Variants in CORO2B observed in about 807,000 individuals in gnomAD.
CORO2B encodes coronin-2B.
In CORO2B, 26 loss-of-function variants were observed where a neutral mutation model predicts 58.8. The observed-to-expected ratio is 0.44, with a 90% CI of 0.32 to 0.61. The LOEUF (loss-of-function observed/expected upper bound fraction) is 0.61. Ranked by LOEUF, CORO2B falls within the 20% of genes least tolerant of loss-of-function variation. The probability of loss-of-function intolerance (pLI) is 0.04; values close to 1 mark genes in which losing one functional copy is unlikely to be tolerated. For missense variants in CORO2B, 460 were observed against 645.1 expected (o/e 0.71, Z 3.11); for synonymous variants, 242 against 253.8 (o/e 0.95, Z 0.44).
Position 68,608,831 on chromosome 15 carries a change from G to C in CORO2B, c.15+29554G>C, listed in dbSNP as rs112933611. On this transcript the variant is annotated intron_variant, in intron 1 of 11. Coordinates refer to ENST00000261861, the MANE Select transcript of CORO2B (RefSeq NM_006091.5). ...GCTCCAGGAGGGGAGTTGAAATTCC[G>C]CACTCTCATCCTCAGCATCATCATT... 1.6e-4 allele frequency among the ~76,000 whole-genome samples: 24 copies of C among 152,170 alleles called. No homozygotes were observed. In the East Asian group the frequency reaches 4.6e-3, roughly 29 times the overall value.
chr15:68,665,453 G>A (rs945456266), intron 2 of CORO2B, among the ~76,000 whole-genome samples: 25 of 151,568 alleles, frequency 1.6e-4, no homozygotes, highest in Admixed American at 1.4e-3. Flanking sequence ...AACGTAGTTG[G>A]CTCTTCTAGC....
At chr15:68,575,577 G>GCTCCCCCCCCCCCCCCC (rs370419859), upstream of CORO2B, among the ~76,000 whole-genome samples, 1 of 38,752 alleles carries the variant, frequency 2.6e-5, no homozygotes, top group Non-Finnish European at 5.7e-5. Context: ...CTTGTGATCT[G>GCTCCCCCCCCCCCCCCC]CCCCCGCCTC....
At chr15:68,524,913 C>T in the CORO2B span, among the ~76,000 whole-genome samples, 1 of 152,214 alleles carries the variant, frequency 6.6e-6, no homozygotes, top group Non-Finnish European at 1.5e-5. Flanking sequence ...TAGCCCTTAA[C>T]TGTTGCATCA....
upstream of CORO2B, among the ~76,000 whole-genome samples, chr15:68,574,170 G>T (rs1486031939): frequency 6.6e-6 from 1 of 152,198 alleles, no homozygotes; most frequent in African/African-American, 2.4e-5. Flanking sequence ...AGTCCGAGTG[G>T]CCCAGCAAGG....
At chr15:68,720,302 TA>T (rs1241153387) in intron 11 of CORO2B, among the ~76,000 whole-genome samples, 1 of 152,194 alleles carries the variant, frequency 6.6e-6, no homozygotes, top group Non-Finnish European at 1.5e-5. Flanking sequence ...CTGTGAGCAT[TA>T]AAGAGATAAT....
At chr15:68,629,947 A>G (rs1900783197) in intron 1 of CORO2B, among the ~76,000 whole-genome samples, 1 of 152,192 alleles carries the variant, frequency 6.6e-6, no homozygotes, top group African/African-American at 2.4e-5. Flanking sequence ...ATCCAAAAGG[A>G]TAGGTAATGC....
At chr15:68,546,357 T>C in the CORO2B span, among the ~76,000 whole-genome samples, 1 of 152,154 alleles carries the variant, frequency 6.6e-6, no homozygotes, top group Non-Finnish European at 1.5e-5. Flanking sequence ...CAATTTGGGA[T>C]GTGTGTGGAA....
At chr15:68,678,070 T>C (rs1374355698) in intron 2 of CORO2B, among the ~76,000 whole-genome samples, 1 of 151,446 alleles carries the variant, frequency 6.6e-6, no homozygotes, top group Non-Finnish European at 1.5e-5. Flanking sequence ...CCCTGCAAGG[T>C]CTGTTGCTTC....
chr15:68,588,731 G>A (rs1199354089), intron 1 of CORO2B, among the ~76,000 whole-genome samples: 1 of 152,162 alleles, frequency 6.6e-6, no homozygotes, highest in African/African-American at 2.4e-5. Context: ...TTTGATTTCA[G>A]AACTAACAGT....
At chr15:68,597,494 G>T (rs960203779) in intron 1 of CORO2B, among the ~76,000 whole-genome samples, 1 of 151,976 alleles carries the variant, frequency 6.6e-6, no homozygotes, top group Non-Finnish European at 1.5e-5. Flanking sequence ...GTCACACAAC[G>T]GAAATGGAAC....
the CORO2B span, among the ~76,000 whole-genome samples, chr15:68,551,264 G>A: frequency 6.6e-6 from 1 of 152,106 alleles, no homozygotes; most frequent in African/African-American, 2.4e-5. Context: ...TTCTGTGTGA[G>A]TGCCTGACCC....
chr15:68,602,280 T>C (rs1422688456), intron 1 of CORO2B, among the ~76,000 whole-genome samples: 61 of 152,024 alleles, frequency 4.0e-4, no homozygotes, highest in Non-Finnish European at 8.8e-5. Flanking sequence ...CACTCTGACA[T>C]GTATTTTTTT....
chr15:68,647,689 C>CAAAAAAAAA (rs3084725), intron 2 of CORO2B, among the ~76,000 whole-genome samples: 4 of 122,810 alleles, frequency 3.3e-5, no homozygotes, highest in African/African-American at 1.3e-4. Flanking sequence ...AACTCCATCT[C>CAAAAAAAAA]AAAAAAAAAA....
At chr15:68,655,295 G>A (rs114734751) in intron 2 of CORO2B, among the ~76,000 whole-genome samples, 2,131 of 152,268 alleles carry the variant, frequency 0.014, 50 homozygotes, top group African/African-American at 0.049. Flanking sequence ...AGTCTAGCTG[G>A]CTCAGATGGA....
At chr15:68,683,232 G>A (rs899931294) in intron 2 of CORO2B, among the ~76,000 whole-genome samples, 36 of 152,258 alleles carry the variant, frequency 2.4e-4, no homozygotes, top group African/African-American at 8.4e-4. Context: ...GGTTCCTGAT[G>A]TTCAGGAAGG....
At chr15:68,695,118 T>C (rs1320129978) in intron 2 of CORO2B, 22 bp from the exon 3 acceptor site, 2 of 1,591,302 alleles carry the variant, frequency 1.3e-6, no homozygotes, top group African/African-American at 2.7e-5. Flanking sequence ...TCCTTCTCTC[T>C]CTCTCTCTTT....
chr15:68,589,854 C>T (rs2140565343), intron 1 of CORO2B, among the ~76,000 whole-genome samples: 1 of 152,358 alleles, frequency 6.6e-6, no homozygotes, highest in East Asian at 1.9e-4. Context: ...GTGGCAGAGG[C>T]AGAGGGAGCA....
intron 1 of CORO2B, among the ~76,000 whole-genome samples, chr15:68,629,824 G>GTA (rs1900778678): frequency 6.6e-6 from 1 of 152,004 alleles, no homozygotes; most frequent in African/African-American, 2.4e-5. Flanking sequence ...ACCAGCATGT[G>GTA]TGTGTGTGTG....
At chr15:68,550,341 T>C in the CORO2B span, among the ~76,000 whole-genome samples, 1 of 152,180 alleles carries the variant, frequency 6.6e-6, no homozygotes, top group Non-Finnish European at 1.5e-5. Flanking sequence ...TTTTGGCAAG[T>C]AGCTCACCAG....
Sources: allele counts gnomAD v4.1 joint callset (sites outside exome capture counted in the v4.1 genomes callset), GRCh38; gene constraint gnomAD v4.1.1; transcripts MANE v1.5; gene names NCBI Gene and HGNC (gene_info 2026-07-23, HGNC 2026-07-21).